The following VWA5B1 variants were observed in gnomAD, a reference collection of about 807,000 sequenced individuals.
VWA5B1 encodes the protein von Willebrand factor A domain containing 5B1, also known as von Willebrand factor A domain-containing protein 5B1.
In VWA5B1, 115 loss-of-function variants were observed where a neutral mutation model predicts 118.2. That is an observed-to-expected ratio of 0.97 (90% CI 0.84 to 1.14). The LOEUF is 1.14. VWA5B1 is among the 50% of genes most tolerant of loss of function. VWA5B1 has a pLI of 0.00. For synonymous variants in VWA5B1, 682 were observed against 658.4 expected (o/e 1.04, Z -0.55); for missense variants, 1,596 against 1,603.8 (o/e 1.00, Z 0.08).
chr1:20,304,394 A>C (rs1186913188), intron 1 of VWA5B1, among the ~76,000 whole-genome samples: 1 of 152,182 alleles, frequency 6.6e-6, no homozygotes, highest in Non-Finnish European at 1.5e-5. Context: ...TGAGAGGGTC[A>C]GTGTGTTTGG....
chr1:20,321,127 A>AAC (rs1187449244), intron 7 of VWA5B1, among the ~76,000 whole-genome samples: 2 of 151,948 alleles, frequency 1.3e-5, no homozygotes, highest in East Asian at 1.9e-4. Context: ...AAAAAAAAAA[A>AAC]AACACGAAAA....
At chr1:20,347,784 C>T (rs2090039019) in intron 17 of VWA5B1, among the ~76,000 whole-genome samples, 1 of 152,032 alleles carries the variant, frequency 6.6e-6, no homozygotes, top group Non-Finnish European at 1.5e-5. Flanking sequence ...AACTTCATCT[C>T]TTTTCCATCC....
At chr1:20,348,452 C>A in intron 18 of VWA5B1, 94 bp downstream of exon 18, 1 of 1,305,066 alleles carries the variant, frequency 7.7e-7, no homozygotes, top group Non-Finnish European at 1.1e-6. Context: ...GGCCCTAGGA[C>A]CACTCTCTGA....
rs114579573 is a variant in VWA5B1, at chr1:20,329,985, G to T, written c.1255-195G>T. Among the ~76,000 whole-genome samples the T allele has an allele frequency of 3.7e-3, 562 of 152,272 alleles. 3 individuals are homozygous for T. The highest frequency in any genetic ancestry group is 0.013 in the African/African-American group (530 of 41,550). ...GTTGGTGTTTCAGGCATTGGTAGGG[G>T]GTGCTGTTGAGCAGGATGACACCAA... On this transcript the variant is annotated intron_variant, in intron 9 of 21. Coordinates refer to ENST00000289815, the MANE Select transcript of VWA5B1 (RefSeq NM_001039500.3).
At chr1:20,301,900 A>T (rs2088512654) in intron 1 of VWA5B1, among the ~76,000 whole-genome samples, 1 of 152,182 alleles carries the variant, frequency 6.6e-6, no homozygotes, top group Admixed American at 6.5e-5. Context: ...CCAACGCAGG[A>T]ATCTTACTGG....
chr1:20,313,074 A>T (rs2088900058), intron 3 of VWA5B1, 86 bp downstream of exon 3: 1 of 1,483,054 alleles, frequency 6.7e-7, no homozygotes, highest in African/African-American at 1.4e-5. Context: ...AACTGCAAGG[A>T]TAGCAGTGGG....
chr1:20,317,890 C>T (rs1181146988), intron 5 of VWA5B1, among the ~76,000 whole-genome samples: 1 of 151,908 alleles, frequency 6.6e-6, no homozygotes, highest in African/African-American at 2.4e-5. Context: ...CCGACTTTCA[C>T]CCCAGTGGCT....
chr1:20,304,287 T>C (rs2100813525), intron 1 of VWA5B1, among the ~76,000 whole-genome samples: 2 of 152,224 alleles, frequency 1.3e-5, no homozygotes, highest in Admixed American at 1.3e-4. Context: ...GGAGAAGGCT[T>C]CCTGGAGGAG....
Position 20,353,853 on chromosome 1 carries a change from T to G in VWA5B1, c.3238T>G (p.Phe1080Val). The G allele has an allele frequency of 6.5e-7, 1 of 1,538,464 alleles. No individual in the cohort carries two copies. Among genetic ancestry groups the G allele is most frequent in the Non-Finnish European group, 8.8e-7 (1 of 1,140,348 alleles). The change falls in exon 22 of 22, where the codon TTC becomes GTC. Residue 1080 changes from phenylalanine (F) to valine (V), a missense_variant. By Grantham distance (50) the Phe-to-Val change is conservative (BLOSUM62 -1). Transcript: ENST00000289815. Reference sequence around the variant, plus strand: ...GGAGAAGCTCAAGTGGACGTCCCCCTTCACCTGCCATCGAGTGTCCCTCAC... The same window carrying G: ...GGAGAAGCTCAAGTGGACGTCCCCCGTCACCTGCCATCGAGTGTCCCTCAC... ...PMEKLKWTSP[F>V]TCHRVSLTTR...
intron 12 of VWA5B1, 101 bp from the exon 13 acceptor site, chr1:20,336,202 A>G: frequency 9.2e-7 from 1 of 1,081,242 alleles, no homozygotes; most frequent in Non-Finnish European, 1.2e-6. Flanking sequence ...TTCTTCAGAG[A>G]TGAAAACCGC....
intron 16 of VWA5B1, among the ~76,000 whole-genome samples, chr1:20,344,113 C>T (rs77388660): frequency 0.015 from 2,213 of 150,916 alleles, 53 homozygotes; most frequent in African/African-American, 0.05. Flanking sequence ...ATTCCATTCC[C>T]GCCAAGATCC....
chr1:20,292,367 C>T (rs1351466754), intron 1 of VWA5B1, among the ~76,000 whole-genome samples: 2 of 152,130 alleles, frequency 1.3e-5, no homozygotes, highest in African/African-American at 2.4e-5. Context: ...GGTGAGGCCA[C>T]GAGGCTCTGT....
At position 20,356,749 on chromosome 1, in the gene VWA5B1, G is replaced by A. The variant is rs2090236897; in HGVS notation, c.*2486G>A. ...TCTGCAACCCTGGCTCCCCTGCCCA[G>A]CCCCAAAGGTGCAGAAGAACAAATC... On this transcript the variant is annotated 3_prime_UTR_variant, in exon 22 of 22. Coordinates refer to ENST00000289815, the MANE Select transcript of VWA5B1 (RefSeq NM_001039500.3). 6.6e-6 allele frequency among the ~76,000 whole-genome samples: 1 copy of A among 152,160 alleles called. No homozygotes were observed. Among genetic ancestry groups the A allele is most frequent in the South Asian group, 2.1e-4 (1 of 4,820 alleles).
rs1557459312 is a variant in VWA5B1 at position 20,354,921 on chromosome 1, C to T, written c.*658C>T. The stretch of plus-strand genomic sequence containing the variant: ...GGCTAGGAAGCTTCCTTAATACATA[C>T]TAGTATTGCCTTGCAGATCATTAGT... On this transcript the variant is annotated 3_prime_UTR_variant, in exon 22 of 22. Coordinates refer to ENST00000289815, the MANE Select transcript of VWA5B1 (RefSeq NM_001039500.3). The T allele has an allele frequency of 6.6e-6, 1 of 152,222 alleles. No individual in the cohort carries two copies. Among genetic ancestry groups the T allele is most frequent in the Non-Finnish European group, 1.5e-5 (1 of 68,076 alleles). The allele number at this position is 152,222 out of a possible 1,614,324, so 9.4% of individuals were successfully genotyped here.
intron 16 of VWA5B1, among the ~76,000 whole-genome samples, chr1:20,344,833 G>A (rs60097673): frequency 0.054 from 8,208 of 152,086 alleles, 714 homozygotes; most frequent in African/African-American, 0.19. Context: ...TACAGTTCAC[G>A]AAGCACTTTT....
rs1239642351 is a variant in VWA5B1 at position 20,358,575 on chromosome 1, G to A, written c.*4312G>A. Among the ~76,000 whole-genome samples the A allele has an allele frequency of 2.0e-5, 3 of 152,058 alleles. No individual in the cohort carries two copies. The highest frequency in any genetic ancestry group is 7.2e-5 in the African/African-American group (3 of 41,404). On this transcript the variant is annotated 3_prime_UTR_variant, in exon 22 of 22. Transcript: ENST00000289815. ...GCACCTATCATTCAGGGGTCCAAATGCCCAAATGCACATCTCTCTATGTGC... is the reference window on the plus strand; with the variant it reads ...GCACCTATCATTCAGGGGTCCAAATACCCAAATGCACATCTCTCTATGTGC...
In VWA5B1 at chr1:20,350,861, C is replaced by T. The variant is rs1280993818; in HGVS notation, c.2958C>T (p.Pro986=). ...GGTCATTCTGTGGCTCTCCAGGTCC[C>T]CAGCGCAGCCTGGCTACAAATACTC... is the stretch of plus-strand genomic sequence containing the variant. The part of the protein sequence containing the change: ...GREKHGASEG[P]QRSLATNTLS... Residue 986 remains proline, a synonymous_variant, in exon 20 of 22, where the codon CCC becomes CCT. Coordinates refer to ENST00000289815, the MANE Select transcript of VWA5B1 (RefSeq NM_001039500.3). 1.3e-6 allele frequency: 2 copies of T among 1,551,820 alleles called. No homozygotes were observed. The highest frequency in any genetic ancestry group is 2.0e-5 in the Admixed American group (1 of 51,008).
intron 1 of VWA5B1, among the ~76,000 whole-genome samples, chr1:20,309,543 G>A (rs540776579): frequency 2.9e-4 from 44 of 152,346 alleles, no homozygotes; most frequent in African/African-American, 1.0e-3. Flanking sequence ...GGGACCCGCA[G>A]GGTGTGTTTG....
intron 4 of VWA5B1, among the ~76,000 whole-genome samples, chr1:20,316,291 G>C (rs1026957944): frequency 7.9e-5 from 12 of 152,164 alleles, no homozygotes; most frequent in Admixed American, 6.5e-5. Context: ...AAGGGAGCAC[G>C]GACAGGGATA....
Sources: gnomAD v4.1 joint callset for allele counts (sites outside exome capture counted in the v4.1 genomes callset) on GRCh38, gnomAD v4.1.1 for gene constraint, MANE v1.5 for transcripts, NCBI Gene and HGNC (gene_info 2026-07-23, HGNC 2026-07-21) for gene names.